TTC39C: variants seen among roughly 807,000 people sequenced by gnomAD.
TTC39C encodes the protein tetratricopeptide repeat domain 39C.
In TTC39C, 33 loss-of-function variants were observed where a neutral mutation model predicts 76.3. The observed-to-expected ratio is 0.43, with a 90% CI of 0.33 to 0.58. The LOEUF (loss-of-function observed/expected upper bound fraction) is 0.58. Ranked by LOEUF, TTC39C falls within the 20% of genes least tolerant of loss-of-function variation. TTC39C has a pLI of 0.04. For missense variants in TTC39C, 595 were observed against 701.4 expected, an observed-to-expected ratio of 0.85 and a Z score of 1.71; for synonymous variants, 254 against 260.6, an observed-to-expected ratio of 0.97 and a Z score of 0.24.
intron 4 of TTC39C, among the ~76,000 whole-genome samples, chr18:24,071,718 TG>T (rs1432003667): frequency 6.6e-6 from 1 of 152,220 alleles, no homozygotes; most frequent in Non-Finnish European, 1.5e-5. Flanking sequence ...TGTGCATTTT[TG>T]GGGGGTATTA....
At chr18:24,087,528 A>G (rs567619477) in intron 6 of TTC39C, among the ~76,000 whole-genome samples, 1 of 152,178 alleles carries the variant, frequency 6.6e-6, no homozygotes, top group Non-Finnish European at 1.5e-5. Flanking sequence ...GTCGTTTTCT[A>G]TAAAGTTAAT....
intron 1 of TTC39C, among the ~76,000 whole-genome samples, chr18:24,053,915 C>T (rs1379801420): frequency 2.0e-5 from 3 of 152,030 alleles, no homozygotes; most frequent in Non-Finnish European, 4.4e-5. Flanking sequence ...GAGGAGTTAG[C>T]TAAGTAGAGA....
chr18:24,066,084 T>C lies in TTC39C; in HGVS notation c.289T>C (p.Cys97Arg), dbSNP rs769514098. 6.3e-7 allele frequency: 1 copy of C among 1,598,248 alleles called. No individual in the cohort carries two copies. Among genetic ancestry groups the C allele is most frequent in the South Asian group, 1.1e-5 (1 of 87,084 alleles). ...CDDLKTTEKL[C>R]ESEEAGVIET... ...TGACTTAAAAACCACAGAAAAACTG[T>C]GTGAAAGTGAAGAGGCTGGAGTAAT... Residue 97 changes from cysteine (C) to arginine (R), a missense_variant, in exon 3 of 14, where the codon TGT becomes CGT. Transcript: ENST00000317571.
chr18:24,075,698 A>C (rs550757962), intron 4 of TTC39C, among the ~76,000 whole-genome samples: 3,023 of 144,674 alleles, frequency 0.021, 43 homozygotes, highest in Middle Eastern at 0.038. Context: ...AAAAAAAAAA[A>C]AAAAACAAAA....
In TTC39C at chr18:24,111,857, G is replaced by A. The variant is rs147316834; in HGVS notation, c.985-2697G>A. 2.6e-3 allele frequency among the ~76,000 whole-genome samples: 387 copies of A among 151,396 alleles called. 1 individual carries two copies. The highest frequency in any genetic ancestry group is 8.7e-3 in the African/African-American group (357 of 41,190). On this transcript the variant is annotated intron_variant, in intron 6 of 13. Transcript: ENST00000317571. ...ATTGAGGCAGCAGTGAGCTACGAAT[G>A]CGCCATTGCACTCCAGCATGGGAGA...
intron 1 of TTC39C, among the ~76,000 whole-genome samples, chr18:24,008,393 T>G (rs1051424480): frequency 1.3e-5 from 2 of 152,234 alleles, no homozygotes; most frequent in East Asian, 3.8e-4. Context: ...GCCTACTGAT[T>G]GGAGAGAAGA....
chr18:24,034,176 T>C (rs546013165), intron 1 of TTC39C, among the ~76,000 whole-genome samples: 1 of 152,286 alleles, frequency 6.6e-6, no homozygotes, highest in Non-Finnish European at 1.5e-5. Context: ...AAAGAACTCT[T>C]GGAAAGATCT....
intron 1 of TTC39C, among the ~76,000 whole-genome samples, chr18:24,056,990 T>C (rs1448829376): frequency 1.3e-5 from 2 of 152,144 alleles, no homozygotes. Context: ...GCCTTGTTTT[T>C]TAACTTTTTA....
chr18:24,127,441 T>C (rs989111305), intron 10 of TTC39C, among the ~76,000 whole-genome samples: 10 of 152,214 alleles, frequency 6.6e-5, no homozygotes, highest in Admixed American at 5.2e-4. Flanking sequence ...CCTTGTCTTG[T>C]AGTTTCATCC....
intron 6 of TTC39C, among the ~76,000 whole-genome samples, chr18:24,090,220 A>G (rs1290347515): frequency 6.6e-6 from 1 of 152,150 alleles, no homozygotes; most frequent in Non-Finnish European, 1.5e-5. Context: ...TAAATATTTC[A>G]GTATATATAT....
intron 4 of TTC39C, among the ~76,000 whole-genome samples, chr18:24,070,708 G>T (rs1164415575): frequency 6.6e-6 from 1 of 151,930 alleles, no homozygotes; most frequent in Non-Finnish European, 1.5e-5. Context: ...GCTGGGTGTG[G>T]TGGTGGTCGC....
chr18:24,013,394 T>A (rs1423706088), upstream of TTC39C, among the ~76,000 whole-genome samples: 1 of 152,224 alleles, frequency 6.6e-6, no homozygotes, highest in Non-Finnish European at 1.5e-5. Context: ...CCTGTATGGA[T>A]TTAGATATTC....
At chr18:24,034,502 A>G (rs937470440) in intron 1 of TTC39C, among the ~76,000 whole-genome samples, 1 of 152,184 alleles carries the variant, frequency 6.6e-6, no homozygotes, top group African/African-American at 2.4e-5. Flanking sequence ...ATGAGGTAAT[A>G]TTCACCATTT....
intron 1 of TTC39C, among the ~76,000 whole-genome samples, chr18:24,017,294 A>G (rs564308578): frequency 1.3e-5 from 2 of 152,332 alleles, no homozygotes; most frequent in African/African-American, 4.8e-5. Context: ...ATCATGGACC[A>G]GAGTCCTGCA....
intron 6 of TTC39C, among the ~76,000 whole-genome samples, chr18:24,092,123 A>AAATAAAAAATAAT (rs2084530004): frequency 2.0e-5 from 1 of 50,506 alleles, no homozygotes; most frequent in Non-Finnish European, 4.6e-5. Flanking sequence ...AAAAAAAAAA[A>AAATAAAAAATAAT]AATAATAATA....
chr18:24,038,711 T>TGAGAAAA (rs1236608449), intron 1 of TTC39C, among the ~76,000 whole-genome samples: 1 of 152,206 alleles, frequency 6.6e-6, no homozygotes, highest in East Asian at 1.9e-4. Flanking sequence ...ATGTGTTTTC[T>TGAGAAAA]CACAGTTCTA....
Position 24,134,362 on chromosome 18 carries a change from C to T in TTC39C, c.*1788C>T, listed in dbSNP as rs2085174012. 1 of 145,552 alleles carries T rather than the reference C, an allele frequency of 6.9e-6. No homozygotes were observed. The highest frequency in any genetic ancestry group is 2.2e-4 in the South Asian group (1 of 4,514). The allele number at this position is 145,552 out of a possible 1,614,324, so 9.0% of individuals were successfully genotyped here. A position where few individuals can be genotyped will look rare whatever the true frequency, so the allele number is the denominator to read the frequency against. On this transcript the variant is annotated 3_prime_UTR_variant, in exon 14 of 14. Transcript: ENST00000317571. ...GATCTTGGCTCACTGCAACCTCTGCCTCCTGGGTTCACACCATTCTCCTGC... is the reference window on the plus strand; with the variant it reads ...GATCTTGGCTCACTGCAACCTCTGCTTCCTGGGTTCACACCATTCTCCTGC...
rs149349073 is a variant in TTC39C at position 24,066,053 on chromosome 18, A to T, written c.258A>T (p.Ala86=). ...TTGAGGAAGAAAAAATGCAGTTGGC[A>T]TGTGATGACTTAAAAACCACAGAAA... ...MTFEEEKMQL[A]CDDLKTTEKL... The change falls in exon 3 of 14, where the codon GCA becomes GCT. Residue 86 remains alanine, a synonymous_variant. Coordinates refer to ENST00000317571, the MANE Select transcript of TTC39C (RefSeq NM_001135993.2). 4.4e-6 allele frequency: 7 copies of T among 1,600,824 alleles called. No individual in the cohort carries two copies. Among genetic ancestry groups the T allele is most frequent in the South Asian group, 1.1e-5 (1 of 87,764 alleles).
chr18:24,025,697 C>T (rs2083591049), intron 1 of TTC39C, among the ~76,000 whole-genome samples: 2 of 152,148 alleles, frequency 1.3e-5, no homozygotes, highest in South Asian at 4.1e-4. Context: ...CCAGAACGGC[C>T]CAACAGGTTT....
Sources: allele counts gnomAD v4.1 joint callset (sites outside exome capture counted in the v4.1 genomes callset), GRCh38; gene constraint gnomAD v4.1.1; transcripts MANE v1.5; gene names NCBI Gene and HGNC (gene_info 2026-07-23, HGNC 2026-07-21).